The following DCC variants were observed in gnomAD, a reference collection of about 807,000 sequenced individuals.
The protein encoded by DCC is DCC netrin 1 receptor.
In DCC, 58 loss-of-function variants were observed where a neutral mutation model predicts 172.5. The ratio of observed to expected loss-of-function variants is 0.34; its 90% CI spans 0.27 to 0.42. The LOEUF (loss-of-function observed/expected upper bound fraction) is 0.42. Among genes scored for constraint, DCC ranks in the 10% least tolerant of loss-of-function variants. The pLI is 1.00. For missense variants in DCC, 1,740 were observed against 1,791.0 expected (o/e 0.97, Z 0.51); for synonymous variants, 709 against 644.5 (o/e 1.10, Z -1.52).
chr18:52,635,890 G>A (rs1261023004), intron 1 of DCC, among the ~76,000 whole-genome samples: 1 of 152,136 alleles, frequency 6.6e-6, no homozygotes, highest in African/African-American at 2.4e-5. Flanking sequence ...AGCCGGCAGC[G>A]GCTCGCATTG....
At chr18:53,498,429 C>T (rs192479997) in intron 26 of DCC, among the ~76,000 whole-genome samples, 5 of 152,204 alleles carry the variant, frequency 3.3e-5, no homozygotes, top group Admixed American at 3.3e-4. Context: ...TACTATGCAG[C>T]TCGTTTTGCT....
At position 53,533,893 on chromosome 18, in the gene DCC, G is replaced by A. The variant is rs2046547943; in HGVS notation, c.*3240G>A. ...GGTGTATGTTCAATCTCCTGCTTTG[G>A]TTCCAGCTACACAAGGAGAGCCATC... is the stretch of plus-strand genomic sequence containing the variant. On this transcript the variant is annotated 3_prime_UTR_variant, in exon 29 of 29. Transcript: ENST00000442544. 1 of 152,144 alleles carries A rather than the reference G, an allele frequency of 6.6e-6. No homozygotes were observed. Among genetic ancestry groups the A allele is most frequent in the Admixed American group, 6.5e-5 (1 of 15,272 alleles). The allele number at this position is 152,144 out of a possible 1,614,324, so 9.4% of individuals were successfully genotyped here.
chr18:52,497,476 A>G (rs924992555), intron 1 of DCC, among the ~76,000 whole-genome samples: 1 of 137,554 alleles, frequency 7.3e-6, no homozygotes, highest in African/African-American at 2.7e-5. Context: ...AAGCAGAACT[A>G]TTAACAAACT....
chr18:52,481,827 G>C (rs992409714), intron 1 of DCC, among the ~76,000 whole-genome samples: 4 of 151,818 alleles, frequency 2.6e-5, no homozygotes, highest in Non-Finnish European at 2.9e-5. Flanking sequence ...AAAAATAAAT[G>C]AGTAAATTAT....
chr18:53,234,334 C>A (rs967458611), intron 12 of DCC, among the ~76,000 whole-genome samples: 5 of 152,034 alleles, frequency 3.3e-5, no homozygotes. Context: ...GAGGCTGAGC[C>A]AGGAGAATCG....
intron 1 of DCC, among the ~76,000 whole-genome samples, chr18:52,544,620 A>T (rs958304734): frequency 2.6e-5 from 4 of 152,168 alleles, no homozygotes; most frequent in African/African-American, 9.7e-5. Context: ...TATTCCATGC[A>T]TGTCAAGGCT....
intron 7 of DCC, among the ~76,000 whole-genome samples, chr18:53,150,743 A>G (rs1039041569): frequency 2.6e-5 from 4 of 152,210 alleles, no homozygotes; most frequent in African/African-American, 9.6e-5. Context: ...GCAGCACACA[A>G]AAGTAGCAGA....
chr18:52,775,735 T>C (rs2037418940), intron 2 of DCC, among the ~76,000 whole-genome samples: 1 of 152,232 alleles, frequency 6.6e-6, no homozygotes, highest in Non-Finnish European at 1.5e-5. Context: ...GCCGATGTGC[T>C]CCTCTTGACG....
intron 9 of DCC, among the ~76,000 whole-genome samples, chr18:53,179,764 T>C (rs16956296): frequency 0.055 from 8,383 of 152,242 alleles, 307 homozygotes; most frequent in East Asian, 0.11. Context: ...TATCGAAAAC[T>C]ATTTCTGTAC....
chr18:53,276,697 C>A (rs1348547315), intron 12 of DCC, among the ~76,000 whole-genome samples: 3 of 152,060 alleles, frequency 2.0e-5, no homozygotes, highest in Non-Finnish European at 4.4e-5. Context: ...ATCCAAGGGA[C>A]CTCATGCCTT....
At chr18:53,394,966 A>T (rs1908823040) in intron 17 of DCC, among the ~76,000 whole-genome samples, 1 of 146,802 alleles carries the variant, frequency 6.8e-6, no homozygotes, top group Non-Finnish European at 1.5e-5. Flanking sequence ...ACATGGTGAA[A>T]CTTTGTCTCC....
At chr18:52,964,500 T>C (rs927643178) in intron 5 of DCC, among the ~76,000 whole-genome samples, 3 of 152,122 alleles carry the variant, frequency 2.0e-5, no homozygotes, top group African/African-American at 7.2e-5. Context: ...GGATTAGGGC[T>C]ATAGTTGGGT....
intron 5 of DCC, among the ~76,000 whole-genome samples, chr18:53,032,497 AT>A (rs1568257576): frequency 6.6e-6 from 1 of 152,176 alleles, no homozygotes; most frequent in Non-Finnish European, 1.5e-5. Flanking sequence ...TAAAAGTCTA[AT>A]TTTAGGTGCA....
At chr18:52,691,069 G>T (rs79085255) in intron 1 of DCC, among the ~76,000 whole-genome samples, 5,026 of 152,232 alleles carry the variant, frequency 0.033, 114 homozygotes, top group Middle Eastern at 0.065. Flanking sequence ...ATGTACCCCA[G>T]AATATTCTGT....
chr18:52,729,640 A>G (rs1188441719), intron 1 of DCC, among the ~76,000 whole-genome samples: 3 of 152,200 alleles, frequency 2.0e-5, no homozygotes, highest in African/African-American at 7.2e-5. Context: ...ACACCAAATT[A>G]TTTCTTCTTG....
intron 7 of DCC, among the ~76,000 whole-genome samples, chr18:53,083,538 A>G (rs2042835517): frequency 1.3e-5 from 2 of 152,200 alleles, no homozygotes; most frequent in African/African-American, 4.8e-5. Flanking sequence ...GAAAAATATT[A>G]CTGAGTCAAA....
At chr18:52,364,992 G>T (rs1984782609) in intron 1 of DCC, among the ~76,000 whole-genome samples, 1 of 151,918 alleles carries the variant, frequency 6.6e-6, no homozygotes, top group Non-Finnish European at 1.5e-5. Context: ...AAGTTTAAAA[G>T]AAATAAATCT....
intron 12 of DCC, among the ~76,000 whole-genome samples, chr18:53,264,948 G>C (rs1020285431): frequency 2.6e-5 from 4 of 152,060 alleles, no homozygotes; most frequent in African/African-American, 7.2e-5. Flanking sequence ...TTTGCTTTTG[G>C]ACTTCTTGTT....
chr18:53,133,302 C>T (rs2043685953), intron 7 of DCC, among the ~76,000 whole-genome samples: 1 of 152,206 alleles, frequency 6.6e-6, no homozygotes, highest in African/African-American at 2.4e-5. Flanking sequence ...ACTAGTACAA[C>T]TTAAATGTAG....
Sources: allele counts gnomAD v4.1 joint callset (sites outside exome capture counted in the v4.1 genomes callset), GRCh38; gene constraint gnomAD v4.1.1; transcripts MANE v1.5; gene names NCBI Gene and HGNC (gene_info 2026-07-23, HGNC 2026-07-21).